STX17: variants seen among roughly 807,000 people sequenced by gnomAD.
STX17 encodes syntaxin-17.
A neutral mutation model predicts 35.9 loss-of-function variants in STX17; 29 were observed. The ratio of observed to expected loss-of-function variants is 0.81; its 90% CI spans 0.60 to 1.10. The LOEUF is 1.10. Among genes scored for constraint, STX17 ranks in the 50% least tolerant of loss-of-function variants. The probability of loss-of-function intolerance (pLI) is 0.00; values close to 1 mark genes in which losing one functional copy is unlikely to be tolerated. For missense variants in STX17, 312 were observed against 352.3 expected, an observed-to-expected ratio of 0.89 and a Z score of 0.92; for synonymous variants, 92 against 118.3, an observed-to-expected ratio of 0.78 and a Z score of 1.44.
chr9:99,939,891 G>C (rs1455043898), intron 3 of STX17, among the ~76,000 whole-genome samples: 2 of 152,202 alleles, frequency 1.3e-5, no homozygotes, highest in African/African-American at 2.4e-5. Context: ...TCTGCCCCAA[G>C]CAGTGGGCCT....
chr9:99,908,417 C>T (rs1828593779), intron 1 of STX17, among the ~76,000 whole-genome samples: 1 of 152,174 alleles, frequency 6.6e-6, no homozygotes, highest in South Asian at 2.1e-4. Flanking sequence ...TGAAATTATT[C>T]TGTAAGGATG....
chr9:99,966,553 C>G (rs998133715), intron 6 of STX17, among the ~76,000 whole-genome samples: 2 of 151,720 alleles, frequency 1.3e-5, no homozygotes, highest in Non-Finnish European at 2.9e-5. Flanking sequence ...ATTATTTCAC[C>G]CTCATTGCAG....
chr9:99,911,597 T>A (rs1004139248), intron 1 of STX17, among the ~76,000 whole-genome samples: 8 of 152,138 alleles, frequency 5.3e-5, no homozygotes, highest in African/African-American at 1.7e-4. Flanking sequence ...TTTCTTTCTT[T>A]TTTTGAGACA....
At chr9:99,917,229 C>A (rs192376445) in intron 2 of STX17, among the ~76,000 whole-genome samples, 1 of 152,144 alleles carries the variant, frequency 6.6e-6, no homozygotes. Context: ...TTGATCATTC[C>A]ACTGTCTCTA....
intron 3 of STX17, among the ~76,000 whole-genome samples, chr9:99,940,124 A>T (rs1238557508): frequency 6.6e-6 from 1 of 151,942 alleles, no homozygotes; most frequent in East Asian, 1.9e-4. Context: ...TATCAGATTA[A>T]CTTATTTTAG....
chr9:99,913,368 A>G (rs1049116215), intron 1 of STX17, among the ~76,000 whole-genome samples: 3 of 151,414 alleles, frequency 2.0e-5, no homozygotes, highest in African/African-American at 4.9e-5. Context: ...TATACTTTTC[A>G]TCTTTTTATT....
At chr9:99,946,300 A>G (rs72746332) in intron 3 of STX17, among the ~76,000 whole-genome samples, 2,507 of 152,254 alleles carry the variant, frequency 0.016, 29 homozygotes, top group Non-Finnish European at 0.021. Flanking sequence ...TTGAACATCT[A>G]TGGATTTTGG....
At chr9:99,942,592 T>A (rs1829389222) in intron 3 of STX17, among the ~76,000 whole-genome samples, 1 of 152,154 alleles carries the variant, frequency 6.6e-6, no homozygotes, top group Admixed American at 6.5e-5. Context: ...GCTCGAGAGT[T>A]GTGCCATGTT....
At chr9:99,932,383 A>G (rs1025160473) in intron 3 of STX17, among the ~76,000 whole-genome samples, 1 of 90,996 alleles carries the variant, frequency 1.1e-5, no homozygotes, top group African/African-American at 4.8e-5. Context: ...TGGAAATTTG[A>G]CTTATCTCTC....
In STX17 at chr9:99,916,424, TTTA is replaced by T. The variant is rs1262751429; in HGVS notation, c.123+1065_123+1067del. Among the ~76,000 whole-genome samples, 7 of 131,612 alleles carry T rather than the reference TTTA, an allele frequency of 5.3e-5. No homozygotes were observed. In the Admixed American group the frequency reaches 5.5e-4, roughly 10 times the overall value. 86.3% of individuals were successfully genotyped at this position (131,612 alleles called of 152,430 possible). On this transcript the variant is annotated intron_variant, in intron 2 of 7. Coordinates refer to ENST00000259400, the MANE Select transcript of STX17 (RefSeq NM_017919.3). The stretch of plus-strand genomic sequence containing the variant: ...ATTTATTTATTTATTTATTTATTTA[TTTA>T]TTTATTCATTCATTCATTCATTCAT...
chr9:99,928,399 A>G (rs1829033545), intron 2 of STX17, among the ~76,000 whole-genome samples: 1 of 151,980 alleles, frequency 6.6e-6, no homozygotes, highest in Non-Finnish European at 1.5e-5. Context: ...ACAAACGTAC[A>G]ATTCTTCATA....
intron 3 of STX17, among the ~76,000 whole-genome samples, 181 bp from the exon 4 acceptor site, chr9:99,950,879 G>A (rs527529607): frequency 6.6e-6 from 1 of 152,072 alleles, no homozygotes; most frequent in African/African-American, 2.4e-5. Flanking sequence ...GAGCATGTGG[G>A]TTCCAAAGAT....
chr9:99,908,546 T>C (rs1828597863), intron 1 of STX17, among the ~76,000 whole-genome samples: 1 of 152,258 alleles, frequency 6.6e-6, no homozygotes, highest in Non-Finnish European at 1.5e-5. Flanking sequence ...TTGAAATTGT[T>C]CCAGCTTTGA....
At chr9:99,934,197 A>G (rs1400551696) in intron 3 of STX17, among the ~76,000 whole-genome samples, 1 of 152,128 alleles carries the variant, frequency 6.6e-6, no homozygotes, top group Non-Finnish European at 1.5e-5. Context: ...GTAGGAAACC[A>G]GTTTATCTGG....
At chr9:99,939,267 T>C (rs1829302736) in intron 3 of STX17, among the ~76,000 whole-genome samples, 1 of 152,140 alleles carries the variant, frequency 6.6e-6, no homozygotes, top group Non-Finnish European at 1.5e-5. Context: ...GAAAAGAAGA[T>C]ACAAGAGTGG....
chr9:99,951,239 A>C lies in STX17; in HGVS notation c.369A>C (p.Glu123Asp). Residue 123 changes from glutamate (E) to aspartate (D), a missense_variant, in exon 4 of 8, where the codon GAA (glutamate) becomes GAC (aspartate). Physicochemically the swap from Glu to Asp is conservative, Grantham distance 45. Coordinates refer to ENST00000259400, the MANE Select transcript of STX17 (RefSeq NM_017919.3). ...VEELKKQFND[E>D]ETLLQPPLTR... The stretch of plus-strand genomic sequence containing the variant: ...AACTTAAGAAGCAATTTAATGATGA[A>C]GAAACTTTGCTACAGCCTCCTTTGA... 4.3e-6 allele frequency: 7 copies of C among 1,612,994 alleles called. No individual in the cohort carries two copies. Among genetic ancestry groups the C allele is most frequent in the Non-Finnish European group, 5.9e-6 (7 of 1,179,142 alleles).
intron 4 of STX17, among the ~76,000 whole-genome samples, chr9:99,958,325 C>T (rs930457678): frequency 1.3e-5 from 2 of 152,166 alleles, no homozygotes; most frequent in Non-Finnish European, 2.9e-5. Flanking sequence ...AGGTTAAATA[C>T]CTCTCATCTG....
chr9:99,935,660 A>G (rs998104418), intron 3 of STX17, among the ~76,000 whole-genome samples: 2 of 152,214 alleles, frequency 1.3e-5, no homozygotes, highest in Non-Finnish European at 2.9e-5. Flanking sequence ...AATATGTTAG[A>G]TGATTATAAG....
At chr9:99,946,191 A>G (rs1052528961) in intron 3 of STX17, among the ~76,000 whole-genome samples, 2 of 152,148 alleles carry the variant, frequency 1.3e-5, no homozygotes, top group African/African-American at 4.8e-5. Flanking sequence ...TTTATATAGT[A>G]TTTATATTAT....
Sources: gnomAD v4.1 joint callset for allele counts (sites outside exome capture counted in the v4.1 genomes callset) on GRCh38, gnomAD v4.1.1 for gene constraint, MANE v1.5 for transcripts, NCBI Gene and HGNC (gene_info 2026-07-23, HGNC 2026-07-21) for gene names.